Variants in LRRC4C observed in about 807,000 individuals in gnomAD.
The protein encoded by LRRC4C is leucine rich repeat containing 4C.
LRRC4C carries 5 observed loss-of-function variants against 33.6 expected under a neutral mutation model. The ratio of observed to expected loss-of-function variants is 0.15; its 90% CI spans 0.08 to 0.31. The LOEUF (loss-of-function observed/expected upper bound fraction) is 0.31, where lower values mean the gene tolerates loss of function less well. LRRC4C is among the 10% of genes least tolerant of loss of function. The probability of loss-of-function intolerance (pLI) is 1.00; values close to 1 mark genes in which losing one functional copy is unlikely to be tolerated. For missense variants in LRRC4C, 560 were observed against 796.7 expected, an observed-to-expected ratio of 0.70 and a Z score of 3.58; for synonymous variants, 329 against 302.0, an observed-to-expected ratio of 1.09 and a Z score of -0.93.
intron 4 of LRRC4C, among the ~76,000 whole-genome samples, chr11:40,305,136 T>A (rs1002467980): frequency 2.0e-5 from 3 of 152,238 alleles, no homozygotes; most frequent in African/African-American, 7.2e-5. Flanking sequence ...TGGCCCTAGC[T>A]GTTTTCTCTG....
intron 3 of LRRC4C, among the ~76,000 whole-genome samples, chr11:40,513,458 C>T (rs1955425492): frequency 6.6e-6 from 1 of 152,010 alleles, no homozygotes; most frequent in African/African-American, 2.4e-5. Context: ...CACACAAATG[C>T]AAGCCCTAGC....
intron 1 of LRRC4C, among the ~76,000 whole-genome samples, chr11:41,403,133 G>C (rs756941881): frequency 3.9e-5 from 6 of 151,992 alleles, no homozygotes; most frequent in African/African-American, 1.4e-4. Flanking sequence ...AGATAATTGA[G>C]GATTTTGAAG....
chr11:41,376,519 T>C (rs2137838049), intron 1 of LRRC4C, among the ~76,000 whole-genome samples: 1 of 152,260 alleles, frequency 6.6e-6, no homozygotes, highest in East Asian at 1.9e-4. Context: ...TTGTAAAATT[T>C]GGTTAATGGT....
intron 5 of LRRC4C, among the ~76,000 whole-genome samples, chr11:40,195,252 A>C (rs890732639): frequency 6.6e-6 from 1 of 152,176 alleles, no homozygotes; most frequent in African/African-American, 2.4e-5. Flanking sequence ...ACACTAGAAA[A>C]GACTAGAGGA....
chr11:40,814,427 G>A (rs61888012), intron 2 of LRRC4C, among the ~76,000 whole-genome samples: 5,248 of 152,062 alleles, frequency 0.035, 179 homozygotes, highest in African/African-American at 0.086. Context: ...GGGGGACCCT[G>A]GACTTGACCC....
At position 40,724,889 on chromosome 11, in the gene LRRC4C, T is replaced by G. The variant is rs554674472; in HGVS notation, c.-406-76611A>C. Among the ~76,000 whole-genome samples, 3 of 152,166 alleles carry G rather than the reference T, an allele frequency of 2.0e-5. No individual in the cohort carries two copies. The South Asian group carries it at 6.2e-4, about 32-fold the overall frequency. On this transcript the variant is annotated intron_variant, in intron 2 of 6. Transcript: ENST00000528697. ...AAAAAGAAGATACAAATAAGCACAATCTGAAATTGGAACAGTATAGAGAAG... is the reference window on the plus strand; with the variant it reads ...AAAAAGAAGATACAAATAAGCACAAGCTGAAATTGGAACAGTATAGAGAAG...
At chr11:41,370,627 A>G (rs1240331204) in intron 1 of LRRC4C, among the ~76,000 whole-genome samples, 2 of 152,134 alleles carry the variant, frequency 1.3e-5, no homozygotes, top group Non-Finnish European at 2.9e-5. Flanking sequence ...TTGGAACTGT[A>G]AGTCCAATTA....
At chr11:41,279,307 A>T (rs781164924) in intron 1 of LRRC4C, among the ~76,000 whole-genome samples, 5 of 151,548 alleles carry the variant, frequency 3.3e-5, no homozygotes, top group Non-Finnish European at 7.4e-5. Context: ...CCATGACCGA[A>T]GGAAGCCTGC....
At chr11:40,519,546 T>G (rs750220428) in intron 3 of LRRC4C, among the ~76,000 whole-genome samples, 26 of 152,174 alleles carry the variant, frequency 1.7e-4, no homozygotes, top group Non-Finnish European at 3.2e-4. Context: ...AGAAGCGAAT[T>G]AGTACCTTGC....
chr11:40,201,033 G>T (rs1459213104), intron 5 of LRRC4C, among the ~76,000 whole-genome samples: 1 of 152,148 alleles, frequency 6.6e-6, no homozygotes. Flanking sequence ...TGTAGTGTGT[G>T]TGTTTATGTG....
At chr11:40,323,765 G>T (rs947005686) in intron 3 of LRRC4C, among the ~76,000 whole-genome samples, 1 of 152,026 alleles carries the variant, frequency 6.6e-6, no homozygotes, top group Admixed American at 6.6e-5. Context: ...CCTACCTCAA[G>T]GAACCCACCC....
At chr11:40,755,246 C>A (rs1948890037) in intron 2 of LRRC4C, among the ~76,000 whole-genome samples, 1 of 152,084 alleles carries the variant, frequency 6.6e-6, no homozygotes, top group Non-Finnish European at 1.5e-5. Flanking sequence ...TAAAAGATTT[C>A]AGTTATATGC....
intron 2 of LRRC4C, among the ~76,000 whole-genome samples, chr11:40,789,286 A>T (rs898480525): frequency 6.6e-6 from 1 of 151,988 alleles, no homozygotes; most frequent in Admixed American, 6.6e-5. Context: ...GTATAGTGTT[A>T]TTTCAGGTAA....
intron 2 of LRRC4C, among the ~76,000 whole-genome samples, chr11:40,689,791 T>G (rs1945140844): frequency 6.6e-6 from 1 of 152,132 alleles, no homozygotes; most frequent in South Asian, 2.1e-4. Context: ...GCAACTGGAC[T>G]AAATGATTAC....
At chr11:40,158,526 A>G (rs1565068096) in intron 5 of LRRC4C, among the ~76,000 whole-genome samples, 1 of 152,046 alleles carries the variant, frequency 6.6e-6, no homozygotes, top group Non-Finnish European at 1.5e-5. Flanking sequence ...TTGATATTCT[A>G]AAACCAAAAG....
intron 3 of LRRC4C, among the ~76,000 whole-genome samples, chr11:40,401,911 T>C (rs1323660347): frequency 1.3e-5 from 2 of 152,118 alleles, no homozygotes; most frequent in East Asian, 3.8e-4. Context: ...TTTATATATA[T>C]GTAAAATATT....
chr11:40,261,396 A>C (rs960892837), intron 4 of LRRC4C, among the ~76,000 whole-genome samples: 2 of 152,176 alleles, frequency 1.3e-5, no homozygotes, highest in African/African-American at 4.8e-5. Context: ...GTTTTGTCAG[A>C]AGGGAAGATC....
At chr11:40,371,929 C>A (rs898004613) in intron 3 of LRRC4C, among the ~76,000 whole-genome samples, 1 of 152,058 alleles carries the variant, frequency 6.6e-6, no homozygotes, top group Admixed American at 6.6e-5. Context: ...AGGGCAGGAG[C>A]GGCTATGGGA....
chr11:40,841,328 G>A (rs1231168911), intron 2 of LRRC4C, among the ~76,000 whole-genome samples: 1 of 152,050 alleles, frequency 6.6e-6, no homozygotes, highest in African/African-American at 2.4e-5. Flanking sequence ...GCTTGTCATG[G>A]TCAGTGTTAT....
Sources: allele counts gnomAD v4.1 joint callset (sites outside exome capture counted in the v4.1 genomes callset), GRCh38; gene constraint gnomAD v4.1.1; transcripts MANE v1.5; gene names NCBI Gene and HGNC (gene_info 2026-07-23, HGNC 2026-07-21).